MRPS28: variants seen among roughly 807,000 people sequenced by gnomAD.
MRPS28 encodes mitochondrial ribosomal protein S28, also known as small ribosomal subunit protein bS1m.
Under a neutral mutation model 10.8 loss-of-function variants are expected in MRPS28, and 7 were observed. The ratio of observed to expected loss-of-function variants is 0.65; its 90% confidence interval spans 0.37 to 1.22. MRPS28 has a LOEUF of 1.22. Among genes scored for constraint, MRPS28 ranks in the 50% most tolerant of loss-of-function variants. The pLI is 0.02. For synonymous variants in MRPS28, 121 were observed against 93.3 expected, an observed-to-expected ratio of 1.30 and a Z score of -1.71; for missense variants, 265 against 232.9, an observed-to-expected ratio of 1.14 and a Z score of -0.90.
intron 2 of MRPS28, among the ~76,000 whole-genome samples, chr8:79,988,006 C>A (rs138504533): frequency 6.6e-5 from 10 of 151,594 alleles, no homozygotes; most frequent in East Asian, 1.9e-4. Context: ...ACAATAGCAA[C>A]GACTTGGAAC....
At chr8:79,989,739 G>A (rs1808302842) in intron 2 of MRPS28, among the ~76,000 whole-genome samples, 1 of 152,100 alleles carries the variant, frequency 6.6e-6, no homozygotes, top group Non-Finnish European at 1.5e-5. Flanking sequence ...TGCTGATAAA[G>A]GCAGAAGATC....
chr8:79,949,413 CAA>C (rs58390672), intron 2 of MRPS28, among the ~76,000 whole-genome samples: 2,253 of 96,932 alleles, frequency 0.023, 63 homozygotes, highest in African/African-American at 0.072. Context: ...GACTCCGTCT[CAA>C]AAAAAAAAAA....
At chr8:79,946,936 T>C (rs2129953547) in intron 2 of MRPS28, among the ~76,000 whole-genome samples, 1 of 152,258 alleles carries the variant, frequency 6.6e-6, no homozygotes, top group East Asian at 1.9e-4. Context: ...TAACAAAAAG[T>C]AACACTGTAG....
rs1345342387 is a variant in MRPS28 at position 79,946,736 on chromosome 8, GA to G, written c.396-27589del. ...AAATTTTCCTAACCTTTTCAGTATGGAAAAAAACGCTTCTCAGCAAGTCATT... is the reference window on the plus strand; with the variant it reads ...AAATTTTCCTAACCTTTTCAGTATGGAAAAAACGCTTCTCAGCAAGTCATT... On this transcript the variant is annotated intron_variant, in intron 2 of 2. Transcript: ENST00000276585. Among the ~76,000 whole-genome samples the G allele has an allele frequency of 9.2e-5, 14 of 151,966 alleles. No individual in the cohort carries two copies. In the South Asian group the frequency reaches 2.9e-3, roughly 32 times the overall value.
At chr8:80,021,243 C>T (rs964497083) in intron 1 of MRPS28, among the ~76,000 whole-genome samples, 1 of 152,112 alleles carries the variant, frequency 6.6e-6, no homozygotes, top group African/African-American at 2.4e-5. Context: ...CCTCATGTTC[C>T]GCCCACCTTG....
chr8:80,002,200 T>C (rs566050666), intron 2 of MRPS28, among the ~76,000 whole-genome samples: 3 of 152,264 alleles, frequency 2.0e-5, no homozygotes, highest in African/African-American at 7.2e-5. Flanking sequence ...TTCCACAATA[T>C]GACCAATTTT....
chr8:79,971,689 G>A (rs1807638379), intron 2 of MRPS28, among the ~76,000 whole-genome samples: 1 of 152,114 alleles, frequency 6.6e-6, no homozygotes, highest in Non-Finnish European at 1.5e-5. Context: ...TCACGTCTTA[G>A]TACTTCATTA....
Position 80,030,071 on chromosome 8 carries a change from A to G in MRPS28, c.178T>C (p.Ser60Pro). ...GGCTCCACCTTCTGTAGAAGCTCCG[A>G]GTGCCGCTCCAACGCGCTCGCGAAA... ...GGFASALERH[S>P]ELLQKVEPLQ... The change falls in exon 1 of 3, where the codon TCG becomes CCG. Residue 60 changes from serine (S) to proline (P), a missense_variant. Transcript: ENST00000276585. 5 of 1,609,516 alleles carry G rather than the reference A, an allele frequency of 3.1e-6. No individual in the cohort carries two copies. Among genetic ancestry groups the G allele is most frequent in the Non-Finnish European group, 4.2e-6 (5 of 1,178,942 alleles).
intron 2 of MRPS28, among the ~76,000 whole-genome samples, chr8:79,964,525 T>C (rs1318558104): frequency 3.3e-5 from 5 of 152,154 alleles, no homozygotes; most frequent in Non-Finnish European, 4.4e-5. Flanking sequence ...CATCTGTATT[T>C]AAGCATATGT....
At chr8:80,016,822 C>T (rs529718234) in intron 1 of MRPS28, among the ~76,000 whole-genome samples, 2 of 152,174 alleles carry the variant, frequency 1.3e-5, no homozygotes, top group East Asian at 1.9e-4. Context: ...ACTGACAAAA[C>T]TGCAAGGAAA....
At chr8:79,960,473 T>C (rs367957323) in intron 2 of MRPS28, among the ~76,000 whole-genome samples, 4 of 152,238 alleles carry the variant, frequency 2.6e-5, no homozygotes, top group East Asian at 1.9e-4. Context: ...CCCAAAGATA[T>C]GTGTACCAGA....
rs79101467 is a variant in MRPS28, at chr8:80,024,495, C to A, written c.213+5541G>T. Among the ~76,000 whole-genome samples, 30 of 152,230 alleles carry A rather than the reference C, an allele frequency of 2.0e-4. No homozygotes were observed. The East Asian group carries it at 5.4e-3, about 27-fold the overall frequency. Reference sequence around the variant, plus strand: ...GCATTGCTCTTGATTAAATTCCTGGCTGCAGGGGAAAGTTCTTTGTAAGGA... The same window carrying A: ...GCATTGCTCTTGATTAAATTCCTGGATGCAGGGGAAAGTTCTTTGTAAGGA... On this transcript the variant is annotated intron_variant, in intron 1 of 2. Transcript: ENST00000276585.
intron 2 of MRPS28, among the ~76,000 whole-genome samples, chr8:79,959,902 T>A (rs1183615525): frequency 6.6e-6 from 1 of 152,154 alleles, no homozygotes; most frequent in Non-Finnish European, 1.5e-5. Context: ...ATAAACTATG[T>A]ACTTTCTCTT....
At chr8:79,962,827 C>T (rs1807407562) in intron 2 of MRPS28, among the ~76,000 whole-genome samples, 2 of 152,084 alleles carry the variant, frequency 1.3e-5, no homozygotes, top group Non-Finnish European at 2.9e-5. Context: ...CTCCACAGGA[C>T]ATTTAGAATG....
At chr8:80,005,154 C>A (rs1269129623) in intron 1 of MRPS28, among the ~76,000 whole-genome samples, 1 of 152,026 alleles carries the variant, frequency 6.6e-6, no homozygotes, top group East Asian at 1.9e-4. Context: ...AGATACTCCT[C>A]GAGAAGAGCA....
At chr8:79,982,418 C>G (rs781580727) in intron 2 of MRPS28, among the ~76,000 whole-genome samples, 34 of 152,302 alleles carry the variant, frequency 2.2e-4, no homozygotes, top group Non-Finnish European at 4.6e-4. Flanking sequence ...GGGCGCAGGA[C>G]AGTGGTTGCA....
At chr8:80,020,805 A>G (rs561272932) in intron 1 of MRPS28, among the ~76,000 whole-genome samples, 7 of 152,232 alleles carry the variant, frequency 4.6e-5, no homozygotes, top group Non-Finnish European at 1.0e-4. Flanking sequence ...ACACATTTAC[A>G]GAGCAGGCCT....
chr8:80,026,439 T>C (rs1178287414), intron 1 of MRPS28, among the ~76,000 whole-genome samples: 1 of 152,192 alleles, frequency 6.6e-6, no homozygotes. Context: ...GTACAATTGT[T>C]TGTGGACAGT....
intron 2 of MRPS28, among the ~76,000 whole-genome samples, chr8:79,929,071 A>G (rs1282306948): frequency 1.3e-5 from 2 of 152,074 alleles, no homozygotes; most frequent in Non-Finnish European, 2.9e-5. Flanking sequence ...ACAAAACAAA[A>G]CAAAACAAAA....
Sources: allele counts gnomAD v4.1 joint callset (sites outside exome capture counted in the v4.1 genomes callset), GRCh38; gene constraint gnomAD v4.1.1; transcripts MANE v1.5; gene names NCBI Gene and HGNC (gene_info 2026-07-23, HGNC 2026-07-21).